SPEF2: variants seen among roughly 807,000 people sequenced by gnomAD.
SPEF2 encodes the protein sperm flagellar and cilia associated 2.
SPEF2 carries 187 observed loss-of-function variants against 224.6 expected under a neutral mutation model. That is an observed-to-expected ratio of 0.83 (90% confidence interval 0.74 to 0.94). The LOEUF (loss-of-function observed/expected upper bound fraction) is 0.94. SPEF2 is among the 40% of genes least tolerant of loss of function. SPEF2 has a pLI of 0.00. For synonymous variants in SPEF2, 715 were observed against 707.3 expected (o/e 1.01, Z -0.17); for missense variants, 2,170 against 2,135.6 (o/e 1.02, Z -0.32).
chr5:35,635,189 T>C (rs541939341), intron 2 of SPEF2, among the ~76,000 whole-genome samples: 2 of 152,248 alleles, frequency 1.3e-5, no homozygotes, highest in African/African-American at 2.4e-5. Context: ...TGAGATTCTT[T>C]CCTCTGCCAA....
intron 23 of SPEF2, among the ~76,000 whole-genome samples, chr5:35,743,992 G>A (rs1748076593): frequency 6.6e-6 from 1 of 152,132 alleles, no homozygotes; most frequent in Non-Finnish European, 1.5e-5. Flanking sequence ...TGCCCAAGTT[G>A]CCCTGTTCCT....
intron 24 of SPEF2, among the ~76,000 whole-genome samples, chr5:35,754,844 C>T (rs1750207264): frequency 6.6e-6 from 1 of 152,202 alleles, no homozygotes; most frequent in African/African-American, 2.4e-5. Flanking sequence ...AATTGATTAA[C>T]TTAGATAAAG....
intron 6 of SPEF2, among the ~76,000 whole-genome samples, chr5:35,653,627 C>T (rs1482848853): frequency 6.6e-6 from 1 of 151,976 alleles, no homozygotes. Flanking sequence ...GAAAAGAAAT[C>T]CAGAATTTCC....
chr5:35,737,995 G>A (rs139869059), intron 21 of SPEF2, among the ~76,000 whole-genome samples: 1,750 of 152,124 alleles, frequency 0.012, 11 homozygotes, highest in Middle Eastern at 0.017. Flanking sequence ...TGTGTCTTTC[G>A]GCTGCATAAA....
intron 9 of SPEF2, among the ~76,000 whole-genome samples, chr5:35,669,705 C>T (rs1290454884): frequency 1.3e-5 from 2 of 151,940 alleles, no homozygotes; most frequent in Non-Finnish European, 2.9e-5. Context: ...ACAGTCAGAA[C>T]ACTTAGGTTC....
intron 30 of SPEF2, chr5:35,790,995 A>G (rs932141850): frequency 6.6e-6 from 1 of 152,190 alleles, no homozygotes; most frequent in African/African-American, 2.4e-5. Context: ...TTTGCCCCGT[A>G]TCCATTAGAG....
In SPEF2 at chr5:35,753,651, T is replaced by G; in HGVS notation, c.3358T>G (p.Cys1120Gly). Residue 1120 changes from cysteine to glycine, a missense_variant, in exon 24 of 37, where the codon TGT becomes GGT. Physicochemically the swap from Cys to Gly is radical, Grantham distance 159 (BLOSUM62 -3). Transcript: ENST00000356031. The part of the protein sequence containing the change: ...NDLRDRLWDI[C>G]DARKEEAEQE... ...TCTGCGAGACCGCCTGTGGGACATTTGTGATGCCCGGAAGGAAGAGGCGGA... is the reference window on the plus strand; with the variant it reads ...TCTGCGAGACCGCCTGTGGGACATTGGTGATGCCCGGAAGGAAGAGGCGGA... The G allele has an allele frequency of 6.2e-7, 1 of 1,614,164 alleles. No homozygotes were observed. Among genetic ancestry groups the G allele is most frequent in the African/African-American group, 1.3e-5 (1 of 75,044 alleles).
chr5:35,690,399 C>T (rs1019490852), intron 10 of SPEF2, among the ~76,000 whole-genome samples: 7 of 151,980 alleles, frequency 4.6e-5, no homozygotes, highest in African/African-American at 1.7e-4. Context: ...TTTTAATGTT[C>T]CTTTTAGACT....
At chr5:35,743,685 C>T (rs1748028468) in intron 23 of SPEF2, among the ~76,000 whole-genome samples, 2 of 137,958 alleles carry the variant, frequency 1.4e-5, no homozygotes, top group South Asian at 4.4e-4. Context: ...AATAACCACT[C>T]TATTCCTTTT....
chr5:35,650,004 T>C (rs1466468190), intron 6 of SPEF2, among the ~76,000 whole-genome samples: 2 of 152,222 alleles, frequency 1.3e-5, no homozygotes, highest in Admixed American at 6.5e-5. Flanking sequence ...ATGACATATG[T>C]AGGAACAACT....
intron 16 of SPEF2, among the ~76,000 whole-genome samples, chr5:35,703,243 A>T (rs10042632): frequency 0.54 from 81,423 of 151,740 alleles, 22,267 homozygotes; most frequent in African/African-American, 0.56. Context: ...CCTACCAGCA[A>T]AAGTCTTAAA....
intron 10 of SPEF2, among the ~76,000 whole-genome samples, chr5:35,678,114 T>C (rs1396229626): frequency 6.6e-6 from 1 of 152,266 alleles, no homozygotes; most frequent in Non-Finnish European, 1.5e-5. Flanking sequence ...TGCAGTCTAC[T>C]GCCCTGGGTC....
chr5:35,729,029 C>T (rs888924498), intron 21 of SPEF2, among the ~76,000 whole-genome samples: 1 of 151,964 alleles, frequency 6.6e-6, no homozygotes, highest in African/African-American at 2.4e-5. Context: ...AAACTTGAAG[C>T]CCTTGTAAGA....
At chr5:35,791,606 T>A (rs1252624350) in intron 30 of SPEF2, 1 of 152,198 alleles carries the variant, frequency 6.6e-6, no homozygotes, top group Admixed American at 6.5e-5. Flanking sequence ...GCCAGACATT[T>A]TTTTTTAAAA....
At position 35,700,612 on chromosome 5, in the gene SPEF2, G is replaced by GA. The variant is rs1561220724; in HGVS notation, c.2265dup (p.Ala756SerfsTer9). 1 of 1,613,736 alleles carries GA rather than the reference G, an allele frequency of 6.2e-7. No homozygotes were observed. The stretch of plus-strand genomic sequence containing the variant: ...AATAGAAACCTCACAGAAGTGGAAA[G>GA]AAAAAAAGCACAAAAATCCACATTG... On this transcript the variant is annotated frameshift_variant, in exon 16 of 37. Coordinates refer to ENST00000356031, the MANE Select transcript of SPEF2 (RefSeq NM_024867.4). LOFTEE classifies it high-confidence loss of function.
At chr5:35,664,133 C>T (rs1728912231) in intron 8 of SPEF2, among the ~76,000 whole-genome samples, 1 of 152,110 alleles carries the variant, frequency 6.6e-6, no homozygotes, top group Non-Finnish European at 1.5e-5. Context: ...GGTCAGGCCT[C>T]ATACCCCATG....
In SPEF2 at chr5:35,753,495, G is replaced by C. The variant is rs1749991554; in HGVS notation, c.3331-129G>C. 6.7e-6 allele frequency: 8 copies of C among 1,188,830 alleles called. No homozygotes were observed. The South Asian group carries it at 1.1e-4, about 16-fold the overall frequency. 73.6% of individuals were successfully genotyped at this position (1,188,830 alleles called of 1,614,324 possible). A position where few individuals can be genotyped will look rare whatever the true frequency, so the allele number is the denominator to read the frequency against. On this transcript the variant is annotated intron_variant, in intron 23 of 36. Coordinates refer to ENST00000356031, the MANE Select transcript of SPEF2 (RefSeq NM_024867.4). Reference sequence around the variant, plus strand: ...TGGTTGAATGAGCACATACAATACAGGAGTGCAATTGGTGTAAAATTTCTT... The same window carrying C: ...TGGTTGAATGAGCACATACAATACACGAGTGCAATTGGTGTAAAATTTCTT...
chr5:35,700,522 T>C lies in SPEF2; in HGVS notation c.2168T>C (p.Ile723Thr). The C allele has an allele frequency of 6.2e-7, 1 of 1,613,362 alleles. No individual in the cohort carries two copies. Residue 723 changes from isoleucine to threonine, a missense_variant, in exon 16 of 37, where the codon ATC becomes ACC. Ile to Thr is a moderately conservative substitution (Grantham distance 89, BLOSUM62 -1). Coordinates refer to ENST00000356031, the MANE Select transcript of SPEF2 (RefSeq NM_024867.4). The stretch of plus-strand genomic sequence containing the variant: ...GAGATACCTGTGAATCAAGACTGTA[T>C]CCTAGATGGTTTTCCAATGACTTTA... ...INEIPVNQDCILDGFPMTLNQ... is the reference protein window; with the variant it reads ...INEIPVNQDCTLDGFPMTLNQ...
At chr5:35,774,158 T>C (rs1363394783) in intron 28 of SPEF2, 137 bp downstream of exon 28, 2 of 1,216,158 alleles carry the variant, frequency 1.6e-6, no homozygotes, top group East Asian at 4.9e-5. Flanking sequence ...AGCACAATAT[T>C]CAGTTGACTG....
Sources: allele counts gnomAD v4.1 joint callset (sites outside exome capture counted in the v4.1 genomes callset), GRCh38; gene constraint gnomAD v4.1.1; transcripts MANE v1.5; gene names NCBI Gene and HGNC (gene_info 2026-07-23, HGNC 2026-07-21).